Variants in MAD1L1 observed in about 807,000 individuals in gnomAD.
MAD1L1 encodes the protein mitotic arrest deficient 1 like 1, also known as mitotic spindle assembly checkpoint protein MAD1.
Under a neutral mutation model 96.9 loss-of-function variants are expected in MAD1L1, and 95 were observed. The ratio of observed to expected loss-of-function variants is 0.98; its 90% CI spans 0.83 to 1.16. The LOEUF (loss-of-function observed/expected upper bound fraction) is 1.16, where lower values mean the gene tolerates loss of function less well. Ranked by LOEUF, MAD1L1 falls within the 50% of genes most tolerant of loss-of-function variation. The probability of loss-of-function intolerance (pLI) is 0.00; values close to 1 mark genes in which losing one functional copy is unlikely to be tolerated. For missense variants in MAD1L1, 1,007 were observed against 954.4 expected (o/e 1.06, Z -0.73); for synonymous variants, 473 against 396.6 (o/e 1.19, Z -2.29).
chr7:1,985,744 C>G (rs4721284), intron 14 of MAD1L1, among the ~76,000 whole-genome samples: 1 of 151,700 alleles, frequency 6.6e-6, no homozygotes, highest in East Asian at 2.0e-4. Flanking sequence ...TAGTTTTCCC[C>G]GTGATTCGCC....
chr7:1,949,689 G>A (rs1040084028), intron 16 of MAD1L1, among the ~76,000 whole-genome samples: 8 of 152,220 alleles, frequency 5.3e-5, no homozygotes, highest in Non-Finnish European at 4.4e-5. Context: ...GCTCTCATCC[G>A]TTTCTCTGCA....
chr7:1,898,941 G>A (rs1411224804), intron 17 of MAD1L1, among the ~76,000 whole-genome samples: 2 of 152,174 alleles, frequency 1.3e-5, no homozygotes, highest in Admixed American at 6.5e-5. Context: ...GAGGCTGGAC[G>A]CCTACCCCAC....
intron 11 of MAD1L1, among the ~76,000 whole-genome samples, chr7:2,127,528 A>G (rs531890562): frequency 6.6e-6 from 1 of 152,294 alleles, no homozygotes; most frequent in South Asian, 2.1e-4. Context: ...GACCGGTAGG[A>G]AAGACCAAGG....
intron 10 of MAD1L1, among the ~76,000 whole-genome samples, chr7:2,153,512 T>C (rs1420452632): frequency 2.0e-5 from 3 of 152,166 alleles, no homozygotes; most frequent in Non-Finnish European, 4.4e-5. Flanking sequence ...TTACCTCAGC[T>C]TAAAATGGCT....
chr7:1,865,603 A>G (rs759192561), intron 18 of MAD1L1, among the ~76,000 whole-genome samples: 16 of 152,234 alleles, frequency 1.1e-4, no homozygotes, highest in Non-Finnish European at 1.9e-4. Flanking sequence ...GGGATACTCA[A>G]TATTAATACC....
At chr7:2,210,548 G>C (rs867526672) in intron 10 of MAD1L1, among the ~76,000 whole-genome samples, 2 of 144,080 alleles carry the variant, frequency 1.4e-5, no homozygotes, top group African/African-American at 5.4e-5. Context: ...GGACTCTCTA[G>C]GAGCCGTATT....
At chr7:2,022,890 G>C (rs1782847031) in intron 12 of MAD1L1, among the ~76,000 whole-genome samples, 1 of 152,184 alleles carries the variant, frequency 6.6e-6, no homozygotes, top group Non-Finnish European at 1.5e-5. Flanking sequence ...TAAAAGAACG[G>C]TGGAGCAGCT....
intron 9 of MAD1L1, 88 bp from the exon 10 acceptor site, chr7:2,213,361 C>A: frequency 2.4e-6 from 3 of 1,241,242 alleles, no homozygotes; most frequent in Non-Finnish European, 3.5e-6. Flanking sequence ...GGTGCTAAGT[C>A]CCTGACCTCT....
At chr7:2,231,152 G>A (rs975146616) in intron 1 of MAD1L1, among the ~76,000 whole-genome samples, 3 of 152,072 alleles carry the variant, frequency 2.0e-5, no homozygotes, top group Non-Finnish European at 4.4e-5. Context: ...ACAAAAACTA[G>A]CCGGGTGTGG....
intron 11 of MAD1L1, among the ~76,000 whole-genome samples, chr7:2,096,942 G>A (rs895521160): frequency 2.0e-4 from 30 of 152,278 alleles, no homozygotes; most frequent in African/African-American, 6.0e-4. Context: ...ACCCACAGGC[G>A]GGCACCCTCC....
chr7:2,030,205 C>A (rs995819581), intron 12 of MAD1L1, among the ~76,000 whole-genome samples: 1 of 152,136 alleles, frequency 6.6e-6, no homozygotes, highest in East Asian at 1.9e-4. Flanking sequence ...CCCCGCCCCG[C>A]GCTCCACGGA....
At chr7:2,174,812 T>C (rs1157321940) in intron 10 of MAD1L1, among the ~76,000 whole-genome samples, 2 of 152,168 alleles carry the variant, frequency 1.3e-5, no homozygotes, top group East Asian at 1.9e-4. Flanking sequence ...TTCCTGGAAG[T>C]TTTATCCTTG....
At chr7:1,911,653 G>A (rs896627580) in intron 17 of MAD1L1, among the ~76,000 whole-genome samples, 9 of 152,160 alleles carry the variant, frequency 5.9e-5, no homozygotes, top group Non-Finnish European at 1.3e-4. Context: ...GCCCCTCTTG[G>A]GCATCCCAAC....
At chr7:2,191,241 G>C (rs1371841616) in intron 10 of MAD1L1, among the ~76,000 whole-genome samples, 21 of 152,114 alleles carry the variant, frequency 1.4e-4, no homozygotes, top group Admixed American at 1.4e-3. Flanking sequence ...CCAGACTGAG[G>C]GCAAGTACGC....
intron 17 of MAD1L1, among the ~76,000 whole-genome samples, chr7:1,909,767 A>T (rs1652621666): frequency 1.3e-5 from 2 of 152,204 alleles, no homozygotes; most frequent in South Asian, 4.1e-4. Context: ...CTGCTGCCCC[A>T]AGAAGATGGT....
chr7:2,111,168 C>T (rs571762087), intron 11 of MAD1L1, among the ~76,000 whole-genome samples: 6 of 152,206 alleles, frequency 3.9e-5, no homozygotes, highest in Non-Finnish European at 8.8e-5. Context: ...GCACACACAC[C>T]GAGCGTCCAC....
At chr7:2,043,364 A>G (rs975653077) in intron 12 of MAD1L1, among the ~76,000 whole-genome samples, 1 of 152,208 alleles carries the variant, frequency 6.6e-6, no homozygotes, top group Admixed American at 6.5e-5. Flanking sequence ...GGGCAGCATT[A>G]GCATGTAAAT....
At chr7:2,107,931 T>C (rs1787180311) in intron 11 of MAD1L1, among the ~76,000 whole-genome samples, 1 of 151,802 alleles carries the variant, frequency 6.6e-6, no homozygotes, top group East Asian at 1.9e-4. Context: ...TGTGACACCA[T>C]AGCTCTCCAC....
intron 18 of MAD1L1, among the ~76,000 whole-genome samples, chr7:1,862,232 G>A (rs1422400372): frequency 6.6e-6 from 1 of 152,210 alleles, no homozygotes; most frequent in Non-Finnish European, 1.5e-5. Context: ...ACACCGAGCA[G>A]CACCCCGGGC....
Sources: allele counts gnomAD v4.1 joint callset (sites outside exome capture counted in the v4.1 genomes callset), GRCh38; gene constraint gnomAD v4.1.1; transcripts MANE v1.5; gene names NCBI Gene and HGNC (gene_info 2026-07-23, HGNC 2026-07-21).